The following SLC4A4 variants were observed in gnomAD, a reference collection of about 807,000 sequenced individuals.
The protein encoded by SLC4A4 is electrogenic sodium bicarbonate cotransporter 1.
In SLC4A4, 27 loss-of-function variants were observed where a neutral mutation model predicts 111.5. The ratio of observed to expected loss-of-function variants is 0.24; its 90% CI spans 0.18 to 0.33. The LOEUF is 0.33. Among genes scored for constraint, SLC4A4 ranks in the 10% least tolerant of loss-of-function variants. The pLI is 1.00. For missense variants in SLC4A4, 909 were observed against 1,315.5 expected (o/e 0.69, Z 4.78); for synonymous variants, 443 against 463.4 (o/e 0.96, Z 0.57).
At chr4:71,333,012 T>C (rs1183553134) in intron 3 of SLC4A4, among the ~76,000 whole-genome samples, 1 of 152,232 alleles carries the variant, frequency 6.6e-6, no homozygotes, top group African/African-American at 2.4e-5. Context: ...TTGGGATTGG[T>C]CATTGGTACC....
intron 7 of SLC4A4, among the ~76,000 whole-genome samples, chr4:71,438,154 T>A (rs1724340927): frequency 1.3e-5 from 2 of 152,176 alleles, no homozygotes; most frequent in Non-Finnish European, 2.9e-5. Context: ...TCCGAAAAAA[T>A]GGACTGTGAT....
intron 6 of SLC4A4, among the ~76,000 whole-genome samples, chr4:71,369,085 G>A (rs1046790281): frequency 2.6e-5 from 4 of 152,030 alleles, no homozygotes; most frequent in Non-Finnish European, 4.4e-5. Flanking sequence ...CTAGCAACCC[G>A]CACCTTGGAT....
intron 1 of SLC4A4, among the ~76,000 whole-genome samples, chr4:71,229,546 A>C (rs1719269124): frequency 6.6e-6 from 1 of 152,052 alleles, no homozygotes; most frequent in Admixed American, 6.5e-5. Context: ...GCTCTCACCT[A>C]TTTCCCTCTG....
chr4:71,205,524 C>T (rs865839290), intron 1 of SLC4A4, among the ~76,000 whole-genome samples: 121 of 151,972 alleles, frequency 8.0e-4, no homozygotes, highest in African/African-American at 2.8e-3. Context: ...AGAAACCCCT[C>T]GATATTGTTG....
chr4:71,400,254 A>C (rs534849239), intron 7 of SLC4A4, among the ~76,000 whole-genome samples: 1 of 152,340 alleles, frequency 6.6e-6, no homozygotes, highest in Non-Finnish European at 1.5e-5. Flanking sequence ...ATCTGGGCAT[A>C]TGCAGAAGAA....
intron 20 of SLC4A4, among the ~76,000 whole-genome samples, chr4:71,552,150 A>T (rs1207855735): frequency 6.6e-6 from 1 of 151,882 alleles, no homozygotes; most frequent in Admixed American, 6.6e-5. Context: ...TTATCTATTC[A>T]GAATGAGGCC....
intron 1 of SLC4A4, among the ~76,000 whole-genome samples, chr4:71,084,003 T>G (rs913201834): frequency 2.0e-5 from 3 of 147,154 alleles, no homozygotes; most frequent in Non-Finnish European, 4.5e-5. Context: ...TGGAGCTGTC[T>G]CTCTCTCTCT....
intron 7 of SLC4A4, among the ~76,000 whole-genome samples, chr4:71,426,714 A>C (rs767082411): frequency 2.0e-5 from 3 of 152,110 alleles, no homozygotes; most frequent in Non-Finnish European, 2.9e-5. Flanking sequence ...ACCTAAGAAA[A>C]ATATAATTGC....
intron 1 of SLC4A4, among the ~76,000 whole-genome samples, chr4:71,082,588 G>A (rs913544186): frequency 6.6e-6 from 1 of 152,014 alleles, no homozygotes; most frequent in South Asian, 2.1e-4. Flanking sequence ...AGAAAATTAT[G>A]TTGAGAGAAA....
intron 14 of SLC4A4, among the ~76,000 whole-genome samples, chr4:71,474,635 G>C (rs1306223551): frequency 6.6e-6 from 1 of 151,826 alleles, no homozygotes; most frequent in Non-Finnish European, 1.5e-5. Flanking sequence ...CTAGGGCATT[G>C]TTGGGCTGTG....
At chr4:71,206,798 G>GATTATTATT (rs368280879) in intron 1 of SLC4A4, among the ~76,000 whole-genome samples, 1 of 150,294 alleles carries the variant, frequency 6.7e-6, no homozygotes, top group African/African-American at 2.4e-5. Flanking sequence ...CATTCATTTT[G>GATTATTATT]ATTATTATTA....
chr4:71,463,819 C>T (rs749151485), intron 12 of SLC4A4, among the ~76,000 whole-genome samples: 1 of 152,114 alleles, frequency 6.6e-6, no homozygotes, highest in Non-Finnish European at 1.5e-5. Context: ...GAAAGAGAAA[C>T]ATGGATGATG....
intron 3 of SLC4A4, among the ~76,000 whole-genome samples, chr4:71,328,788 T>C (rs1414545947): frequency 2.0e-5 from 3 of 152,140 alleles, no homozygotes; most frequent in African/African-American, 7.2e-5. Flanking sequence ...ACTTTGTTGA[T>C]TGTTTTCTTT....
chr4:71,548,944 C>A (rs1222868300), intron 20 of SLC4A4, among the ~76,000 whole-genome samples: 1 of 151,884 alleles, frequency 6.6e-6, no homozygotes, highest in Admixed American at 6.6e-5. Context: ...ACTTGTTAAA[C>A]AGTTAAAATA....
chr4:71,189,966 A>C (rs1356158048), intron 1 of SLC4A4, among the ~76,000 whole-genome samples: 1 of 152,214 alleles, frequency 6.6e-6, no homozygotes, highest in Non-Finnish European at 1.5e-5. Flanking sequence ...GCATGATTTG[A>C]TGGGACAAAG....
chr4:71,137,901 A>G (rs1246948469), intron 2 of SLC4A4, among the ~76,000 whole-genome samples: 3 of 152,224 alleles, frequency 2.0e-5, no homozygotes, highest in Admixed American at 6.5e-5. Flanking sequence ...AAACAAACCC[A>G]ATACTGTACT....
rs934007039 is a variant in SLC4A4 at position 71,571,579 on chromosome 4, G to A, written c.*3828G>A. On this transcript the variant is annotated 3_prime_UTR_variant, in exon 26 of 26. Transcript: ENST00000264485. ...TCATTTCATTGTGCTCTATGGGTAC[G>A]TATAAAAAGCAAGAATTCTGTTTCC... 2 of 152,192 alleles carry A rather than the reference G, an allele frequency of 1.3e-5. No homozygotes were observed. Among genetic ancestry groups the A allele is most frequent in the Non-Finnish European group, 2.9e-5 (2 of 67,838 alleles). 9.4% of individuals were successfully genotyped at this position (152,192 alleles called of 1,614,324 possible). A position where few individuals can be genotyped will look rare whatever the true frequency, so the allele number is the denominator to read the frequency against.
chr4:71,398,487 C>T (rs1297347617), intron 7 of SLC4A4, among the ~76,000 whole-genome samples: 1 of 151,890 alleles, frequency 6.6e-6, no homozygotes, highest in Non-Finnish European at 1.5e-5. Flanking sequence ...GTAAACTGGG[C>T]CATTTTTGCC....
At chr4:71,408,596 A>G (rs945123083) in intron 7 of SLC4A4, among the ~76,000 whole-genome samples, 24 of 152,206 alleles carry the variant, frequency 1.6e-4, no homozygotes, top group African/African-American at 5.8e-4. Context: ...TCCACACTGT[A>G]AAGAAATGTA....
Sources: allele counts gnomAD v4.1 joint callset (sites outside exome capture counted in the v4.1 genomes callset), GRCh38; gene constraint gnomAD v4.1.1; transcripts MANE v1.5; gene names NCBI Gene and HGNC (gene_info 2026-07-23, HGNC 2026-07-21).